NKAIN2: variants seen among roughly 807,000 people sequenced by gnomAD.
NKAIN2 encodes sodium/potassium transporting ATPase interacting 2, also known as sodium/potassium-transporting ATPase subunit beta-1-interacting protein 2.
In NKAIN2, 14 loss-of-function variants were observed where a neutral mutation model predicts 32.6. That is an observed-to-expected ratio of 0.43 (90% CI 0.28 to 0.67). NKAIN2 has a LOEUF of 0.67. Among genes scored for constraint, NKAIN2 ranks in the 30% least tolerant of loss-of-function variants. The pLI, the probability that NKAIN2 is intolerant of heterozygous loss-of-function variation, is 0.17. For missense variants in NKAIN2, 198 were observed against 258.3 expected (o/e 0.77, Z 1.60); for synonymous variants, 80 against 87.2 (o/e 0.92, Z 0.46).
intron 5 of NKAIN2, among the ~76,000 whole-genome samples, chr6:124,807,782 T>TA (rs1451840614): frequency 1.3e-5 from 2 of 150,552 alleles, no homozygotes; most frequent in African/African-American, 4.9e-5. Context: ...ATAGACACAA[T>TA]AAAAAATGAT....
chr6:124,413,895 C>G (rs1308320521), intron 3 of NKAIN2, among the ~76,000 whole-genome samples: 1 of 152,062 alleles, frequency 6.6e-6, no homozygotes, highest in Admixed American at 6.5e-5. Context: ...TATGAACATA[C>G]TAAACTCATT....
chr6:124,708,336 G>A (rs964028892), intron 4 of NKAIN2, among the ~76,000 whole-genome samples: 3 of 151,614 alleles, frequency 2.0e-5, no homozygotes, highest in African/African-American at 7.3e-5. Context: ...CTCTTTTTTG[G>A]TTCCATATGA....
At chr6:124,509,005 A>G (rs1348352056) in intron 3 of NKAIN2, among the ~76,000 whole-genome samples, 1 of 152,148 alleles carries the variant, frequency 6.6e-6, no homozygotes, top group Non-Finnish European at 1.5e-5. Flanking sequence ...TATCCTACCT[A>G]TAAATAAGGT....
At chr6:124,328,867 G>C (rs2115044362) in intron 2 of NKAIN2, among the ~76,000 whole-genome samples, 1 of 152,224 alleles carries the variant, frequency 6.6e-6, no homozygotes, top group East Asian at 1.9e-4. Context: ...ATCCTAAAGG[G>C]GAGATGTGAC....
intron 4 of NKAIN2, among the ~76,000 whole-genome samples, chr6:124,686,759 G>A (rs887981031): frequency 2.6e-5 from 4 of 152,106 alleles, no homozygotes; most frequent in African/African-American, 9.7e-5. Flanking sequence ...ACCTGTGATG[G>A]TTAATACTGA....
chr6:124,642,135 C>T (rs1479045), intron 3 of NKAIN2, among the ~76,000 whole-genome samples: 39,955 of 151,892 alleles, frequency 0.26, 5,622 homozygotes, highest in African/African-American at 0.36. Context: ...TGGAATGAAT[C>T]ACACCTTTGA....
Position 124,255,458 on chromosome 6 carries a change from A to G in NKAIN2, c.55-27547A>G, listed in dbSNP as rs528303332. Among the ~76,000 whole-genome samples, 4 of 152,308 alleles carry G rather than the reference A, an allele frequency of 2.6e-5. No individual in the cohort carries two copies. In the South Asian group the frequency reaches 8.3e-4, roughly 32 times the overall value. On this transcript the variant is annotated intron_variant, in intron 1 of 6. Transcript: ENST00000368417. ...TTGTCTACCTCCTCACTCTGTAAAG[A>G]TAATACGCATGTTAATTTATGCTGG...
At chr6:123,995,907 A>G (rs977639839) in intron 1 of NKAIN2, among the ~76,000 whole-genome samples, 18 of 152,200 alleles carry the variant, frequency 1.2e-4, no homozygotes, top group Admixed American at 1.3e-4. Context: ...TTAACAAAGC[A>G]TTAATAAAAT....
intron 1 of NKAIN2, among the ~76,000 whole-genome samples, chr6:123,951,809 A>G (rs1430740975): frequency 4.6e-5 from 7 of 151,894 alleles, no homozygotes; most frequent in Admixed American, 4.6e-4. Flanking sequence ...TGTTTTTAAT[A>G]TGTAAGGTTT....
chr6:124,824,336 CAGTGT>C lies in NKAIN2; in HGVS notation c.*1109_*1113del, dbSNP rs1781508965. The C allele has an allele frequency of 1.3e-5, 2 of 152,032 alleles. No individual in the cohort carries two copies. The highest frequency in any genetic ancestry group is 4.8e-5 in the African/African-American group (2 of 41,312). 9.4% of individuals were successfully genotyped at this position (152,032 alleles called of 1,614,324 possible). A position where few individuals can be genotyped will look rare whatever the true frequency, so the allele number is the denominator to read the frequency against. On this transcript the variant is annotated 3_prime_UTR_variant, in exon 7 of 7. Transcript: ENST00000368417. ...GTAGGTGAACTTTTTTTTCTAACTT[CAGTGT>C]ACAAGATTATTTTTGGGTGGGTGGG...
intron 3 of NKAIN2, among the ~76,000 whole-genome samples, chr6:124,359,982 A>G (rs1439971249): frequency 6.6e-6 from 1 of 152,140 alleles, no homozygotes; most frequent in Non-Finnish European, 1.5e-5. Context: ...TTTAGCATGA[A>G]GGGTTGTTGA....
At chr6:124,420,481 A>C (rs1241540021) in intron 3 of NKAIN2, among the ~76,000 whole-genome samples, 1 of 152,186 alleles carries the variant, frequency 6.6e-6, no homozygotes, top group Admixed American at 6.5e-5. Context: ...ATTAAGTATA[A>C]TCACAAAGAA....
At chr6:124,366,088 A>G (rs1024250381) in intron 3 of NKAIN2, among the ~76,000 whole-genome samples, 16 of 152,136 alleles carry the variant, frequency 1.1e-4, no homozygotes, top group African/African-American at 3.9e-4. Flanking sequence ...TGAAAGAACA[A>G]CAAATGAAAC....
At chr6:124,300,417 A>G (rs746301008) in intron 2 of NKAIN2, among the ~76,000 whole-genome samples, 1 of 152,122 alleles carries the variant, frequency 6.6e-6, no homozygotes, top group African/African-American at 2.4e-5. Flanking sequence ...TCCCAGTATT[A>G]ATTACCCAGT....
intron 1 of NKAIN2, among the ~76,000 whole-genome samples, chr6:124,251,215 AT>A (rs1793679036): frequency 1.3e-5 from 2 of 152,042 alleles, no homozygotes; most frequent in Non-Finnish European, 1.5e-5. Flanking sequence ...AAAGAAAAAG[AT>A]TTTTGGATTA....
chr6:124,598,240 A>G (rs990622545), intron 3 of NKAIN2, among the ~76,000 whole-genome samples: 2 of 152,120 alleles, frequency 1.3e-5, no homozygotes, highest in Non-Finnish European at 2.9e-5. Context: ...TATATCCCCC[A>G]AATAACTGTT....
intron 2 of NKAIN2, among the ~76,000 whole-genome samples, chr6:124,353,415 G>A (rs1798821513): frequency 6.6e-6 from 1 of 152,094 alleles, no homozygotes; most frequent in Non-Finnish European, 1.5e-5. Flanking sequence ...AATGATAGGT[G>A]GTAAGAAGAG....
At chr6:124,280,312 G>A (rs1045331002) in intron 1 of NKAIN2, among the ~76,000 whole-genome samples, 1 of 152,160 alleles carries the variant, frequency 6.6e-6, no homozygotes, top group Non-Finnish European at 1.5e-5. Flanking sequence ...AGTATGATCA[G>A]AGAGATTCTA....
At chr6:124,425,317 T>C (rs1562176511) in intron 3 of NKAIN2, among the ~76,000 whole-genome samples, 2 of 151,986 alleles carry the variant, frequency 1.3e-5, no homozygotes, top group African/African-American at 4.8e-5. Flanking sequence ...CAATAATCAA[T>C]TCGAAATGGG....
Sources: allele counts gnomAD v4.1 joint callset (sites outside exome capture counted in the v4.1 genomes callset), GRCh38; gene constraint gnomAD v4.1.1; transcripts MANE v1.5; gene names NCBI Gene and HGNC (gene_info 2026-07-23, HGNC 2026-07-21).